Variants in TEX2 observed in about 807,000 individuals in gnomAD.
The protein encoded by TEX2 is testis-expressed protein 2.
A neutral mutation model predicts 106.9 loss-of-function variants in TEX2; 53 were observed. The observed-to-expected ratio is 0.50, with a 90% CI of 0.40 to 0.62. The LOEUF (loss-of-function observed/expected upper bound fraction) is 0.62. Among genes scored for constraint, TEX2 ranks in the 20% least tolerant of loss-of-function variants. The pLI, the probability that TEX2 is intolerant of heterozygous loss-of-function variation, is 0.00. For missense variants in TEX2, 1,207 were observed against 1,379.0 expected, an observed-to-expected ratio of 0.88 and a Z score of 1.98; for synonymous variants, 523 against 534.8, an observed-to-expected ratio of 0.98 and a Z score of 0.30.
At chr17:64,251,625 G>A (rs1217636411) in intron 1 of TEX2, among the ~76,000 whole-genome samples, 1 of 152,150 alleles carries the variant, frequency 6.6e-6, no homozygotes, top group African/African-American at 2.4e-5. Flanking sequence ...GACATGTCAG[G>A]TGGACCTGAT....
intron 2 of TEX2, among the ~76,000 whole-genome samples, chr17:64,208,612 G>T (rs1555631126): frequency 6.6e-6 from 1 of 151,746 alleles, no homozygotes; most frequent in East Asian, 1.9e-4. Flanking sequence ...TTTTTTTAAA[G>T]CAAGCATCAA....
chr17:64,180,921 A>C (rs906557305), intron 5 of TEX2, among the ~76,000 whole-genome samples: 1 of 151,514 alleles, frequency 6.6e-6, no homozygotes, highest in Admixed American at 6.6e-5. Context: ...TAGTGCCCCC[A>C]CTCCTTTTTG....
intron 7 of TEX2, among the ~76,000 whole-genome samples, chr17:64,166,831 A>AGTGGCAGGCCCTGGAG (rs2031161755): frequency 6.6e-6 from 1 of 152,144 alleles, no homozygotes; most frequent in Non-Finnish European, 1.5e-5. Context: ...AGTTTGGCTG[A>AGTGGCAGGCCCTGGAG]GTGGCAGGCC....
chr17:64,173,102 T>C (rs887814222), intron 6 of TEX2, among the ~76,000 whole-genome samples: 1 of 152,230 alleles, frequency 6.6e-6, no homozygotes, highest in Non-Finnish European at 1.5e-5. Context: ...CTTGCCCTAC[T>C]AATCTGTTCC....
chr17:64,164,434 A>C (rs1422181445), intron 7 of TEX2, among the ~76,000 whole-genome samples: 6 of 140,920 alleles, frequency 4.3e-5, no homozygotes, highest in Non-Finnish European at 7.8e-5. Context: ...GAAGAAGAAG[A>C]AAAAAAAAAA....
intron 6 of TEX2, among the ~76,000 whole-genome samples, chr17:64,176,756 GAC>G (rs1254328200): frequency 6.6e-6 from 1 of 152,174 alleles, no homozygotes; most frequent in Non-Finnish European, 1.5e-5. Flanking sequence ...GTCAAACACA[GAC>G]ACATTTAAAG....
chr17:64,246,139 G>C (rs2033984139), intron 1 of TEX2, among the ~76,000 whole-genome samples: 1 of 152,220 alleles, frequency 6.6e-6, no homozygotes, highest in South Asian at 2.1e-4. Context: ...AGCACTAGAG[G>C]CTGAAATTCA....
chr17:64,196,159 T>C (rs144417720), intron 2 of TEX2, among the ~76,000 whole-genome samples: 1 of 152,386 alleles, frequency 6.6e-6, no homozygotes, highest in East Asian at 1.9e-4. Flanking sequence ...AATTCTTTCA[T>C]TCATCCTTTT....
intron 2 of TEX2, among the ~76,000 whole-genome samples, chr17:64,206,431 A>G (rs1225989070): frequency 2.6e-5 from 4 of 151,162 alleles, no homozygotes; most frequent in African/African-American, 7.3e-5. Flanking sequence ...CCTTTCTCCT[A>G]TTTGCTGCTT....
At position 64,164,406 on chromosome 17, in the gene TEX2, C is replaced by G. The variant is rs372871052; in HGVS notation, c.2672-3473G>C. Among the ~76,000 whole-genome samples, 6 of 151,604 alleles carry G rather than the reference C, an allele frequency of 4.0e-5. No individual in the cohort carries two copies. The South Asian group carries it at 1.3e-3, about 32-fold the overall frequency. ...TGAGCCGCGATCGCCCTACTGCACT[C>G]TAGCCTCTGTCTCAAAAGAAGAAGA... is the stretch of plus-strand genomic sequence containing the variant. On this transcript the variant is annotated intron_variant, in intron 7 of 11. Transcript: ENST00000584379.
intron 1 of TEX2, among the ~76,000 whole-genome samples, chr17:64,228,520 G>A (rs184677436): frequency 1.5e-4 from 23 of 152,250 alleles, no homozygotes; most frequent in Non-Finnish European, 2.9e-5. Flanking sequence ...TAGATCCCTC[G>A]CATGCGCAGT....
At chr17:64,261,250 T>C (rs868926347) in intron 1 of TEX2, among the ~76,000 whole-genome samples, 1 of 152,218 alleles carries the variant, frequency 6.6e-6, no homozygotes, top group Middle Eastern at 3.2e-3. Flanking sequence ...ATTTCTATAA[T>C]GTCTAGCAGT....
At chr17:64,188,076 A>T in intron 5 of TEX2, 92 bp downstream of exon 5, 1 of 1,434,664 alleles carries the variant, frequency 7.0e-7, no homozygotes, top group Non-Finnish European at 9.5e-7. Context: ...CTGTTATCCC[A>T]GTGCCCACAA....
intron 7 of TEX2, among the ~76,000 whole-genome samples, chr17:64,161,484 C>A (rs1033829682): frequency 1.3e-5 from 2 of 152,162 alleles, no homozygotes; most frequent in East Asian, 3.8e-4. Flanking sequence ...ACGTTTAAGA[C>A]CTTCCTTTCT....
intron 6 of TEX2, among the ~76,000 whole-genome samples, chr17:64,171,423 A>C (rs1255502822): frequency 6.6e-6 from 1 of 152,114 alleles, no homozygotes; most frequent in Non-Finnish European, 1.5e-5. Flanking sequence ...TTATAATAGA[A>C]AGGCAGAAAC....
rs782624840 is a variant in TEX2, at chr17:64,213,596, C to A, written c.622G>T (p.Ala208Ser). ...GTCTTCATCAAGTGCCTGTGCCTTGCGGGGTGTGGGGATTCTTTTGGCTCC... is the reference window on the plus strand; with the variant it reads ...GTCTTCATCAAGTGCCTGTGCCTTGAGGGGTGTGGGGATTCTTTTGGCTCC... Reference protein sequence around the residue: ...EVEPKESPHPARHRHLMKTLV... With the variant: ...EVEPKESPHPSRHRHLMKTLV... Residue 208 changes from alanine to serine, a missense_variant, in exon 2 of 12, where the codon GCA (alanine) becomes TCA (serine). Ala to Ser is a moderately conservative substitution (Grantham distance 99, BLOSUM62 1). This residue lies in a region of TEX2 where 1,067 missense variants were observed against 1,193.6 expected (regional missense o/e 0.89). Coordinates refer to ENST00000584379, the MANE Select transcript of TEX2 (RefSeq NM_001288732.2). The surrounding 1 kb of genome is among the most constrained non-coding windows in gnomAD (Gnocchi z 4.4). The A allele has an allele frequency of 3.1e-6, 5 of 1,614,032 alleles. No individual in the cohort carries two copies. Among genetic ancestry groups the A allele is most frequent in the Non-Finnish European group, 4.2e-6 (5 of 1,179,986 alleles).
At chr17:64,215,320 C>T (rs1390319445) in intron 1 of TEX2, among the ~76,000 whole-genome samples, 2 of 152,232 alleles carry the variant, frequency 1.3e-5, no homozygotes, top group Admixed American at 6.5e-5. Context: ...AGGAGGATGA[C>T]ACCAGTGTGG....
At chr17:64,231,851 T>C (rs564325386) in intron 1 of TEX2, among the ~76,000 whole-genome samples, 2 of 152,310 alleles carry the variant, frequency 1.3e-5, no homozygotes, top group South Asian at 4.1e-4. Flanking sequence ...TAGGGGCTGC[T>C]GGGAGAATTA....
chr17:64,231,447 G>A (rs539408770), intron 1 of TEX2, among the ~76,000 whole-genome samples: 2 of 152,286 alleles, frequency 1.3e-5, no homozygotes, highest in South Asian at 4.1e-4. Flanking sequence ...CCAAAGGAGA[G>A]ACTGAATGCA....
Sources: allele counts gnomAD v4.1 joint callset (sites outside exome capture counted in the v4.1 genomes callset), GRCh38; gene constraint gnomAD v4.1.1; regional missense constraint gnomAD v4.1.1; non-coding constraint Gnocchi (gnomAD v3.1); transcripts MANE v1.5; gene names NCBI Gene and HGNC (gene_info 2026-07-23, HGNC 2026-07-21).